SCN4A: variants seen among roughly 807,000 people sequenced by gnomAD.
SCN4A encodes sodium channel protein type 4 subunit alpha.
In SCN4A, 83 loss-of-function variants were observed where a neutral mutation model predicts 162.0. The ratio of observed to expected loss-of-function variants is 0.51; its 90% CI spans 0.43 to 0.61. The LOEUF is 0.61. Among genes scored for constraint, SCN4A ranks in the 20% least tolerant of loss-of-function variants. SCN4A has a pLI of 0.00. For missense variants in SCN4A, 2,196 were observed against 2,462.5 expected (o/e 0.89, Z 2.29); for synonymous variants, 944 against 985.1 (o/e 0.96, Z 0.78).
intron 14 of SCN4A, 167 bp from the exon 15 acceptor site, chr17:63,949,695 G>A: frequency 1.4e-6 from 1 of 736,484 alleles, no homozygotes. Context: ...GGAACCACGG[G>A]GACGTAGGTG....
chr17:63,954,018 C>T (rs1322530088), intron 13 of SCN4A, among the ~76,000 whole-genome samples: 2 of 152,192 alleles, frequency 1.3e-5, no homozygotes, highest in Non-Finnish European at 2.9e-5. Context: ...AGGGTCCCAG[C>T]TCCCATCAGC....
intron 14 of SCN4A, 44 bp from the exon 15 acceptor site, chr17:63,949,572 A>G: frequency 6.4e-7 from 1 of 1,552,882 alleles, no homozygotes; most frequent in Middle Eastern, 1.7e-4. Flanking sequence ...TCCCTGAGAG[A>G]CCCCCTCATC....
rs570029875 is a variant in SCN4A, at chr17:63,948,586, A to C, written c.3144+25T>G. 1.2e-5 allele frequency: 19 copies of C among 1,606,364 alleles called. No homozygotes were observed. The South Asian group carries it at 2.0e-4, about 17-fold the overall frequency. ...GCTGTGGGCCTGGCCCCTGCCCCTG[A>C]CCCGTGCTCCCAGGCAGTGCCTACC... On this transcript the variant is annotated intron_variant, in intron 16 of 23. Transcript: ENST00000435607.
At chr17:63,953,985 G>A (rs1754170266) in intron 13 of SCN4A, among the ~76,000 whole-genome samples, 1 of 152,218 alleles carries the variant, frequency 6.6e-6, no homozygotes, top group Non-Finnish European at 1.5e-5. Flanking sequence ...GCAGTGGGAG[G>A]AAGGAGAATC....
In SCN4A at chr17:63,971,783, C is replaced by T. The variant is rs1046930065; in HGVS notation, c.550G>A (p.Asp184Asn). The T allele has an allele frequency of 1.9e-5, 30 of 1,612,780 alleles. No homozygotes were observed. Among genetic ancestry groups the T allele is most frequent in the East Asian group, 4.5e-5 (2 of 44,850 alleles). Residue 184 changes from aspartate (D) to asparagine (N), a missense_variant, in exon 4 of 24, where the codon GAC becomes AAC. Physicochemically the swap from Asp to Asn is conservative, Grantham distance 23. Transcript: ENST00000435607. ...GGGTCCCGGAGGAATGTGAAGTCGTCGACACAGAAGCCTCGGGCCAGTATC... is the reference window on the plus strand; with the variant it reads ...GGGTCCCGGAGGAATGTGAAGTCGTTGACACAGAAGCCTCGGGCCAGTATC... Reference protein sequence around the residue: ...IKILARGFCVDDFTFLRDPWN... With the variant: ...IKILARGFCVNDFTFLRDPWN...
chr17:63,943,742 G>C lies in SCN4A; in HGVS notation c.4017+4C>G, dbSNP rs1908621635. ...CACAGGACAGGGGGCCCAGAGGTCT[G>C]TACCTGGGGCCGGGGAATTGGCTTC... On this transcript the variant is annotated splice_donor_region_variant and intron_variant, in intron 22 of 23. Coordinates refer to ENST00000435607, the MANE Select transcript of SCN4A (RefSeq NM_000334.4). 1.3e-6 allele frequency: 2 copies of C among 1,593,164 alleles called. No homozygotes were observed. The highest frequency in any genetic ancestry group is 8.6e-7 in the Non-Finnish European group (1 of 1,161,230).
chr17:63,961,609 C>G, intron 10 of SCN4A, 178 bp from the exon 11 acceptor site: 1 of 595,792 alleles, frequency 1.7e-6, no homozygotes, highest in Non-Finnish European at 3.0e-6. Context: ...CTGTCACCTC[C>G]CCTGTAACCT....
At position 63,945,716 on chromosome 17, in the gene SCN4A, G is replaced by C. The variant is rs1908696064; in HGVS notation, c.3442-78C>G. ...CTCCACATCTCTACGCCACCCAGGG[G>C]ACCAGGCAGAGCTGGGCATTGTCAA... is the stretch of plus-strand genomic sequence containing the variant. On this transcript the variant is annotated intron_variant, in intron 18 of 23. Transcript: ENST00000435607. The surrounding 1 kb of genome is among the most constrained non-coding windows in gnomAD (Gnocchi z 4.4). 6.7e-7 allele frequency: 1 copy of C among 1,494,744 alleles called. No homozygotes were observed. Among genetic ancestry groups the C allele is most frequent in the African/African-American group, 1.4e-5 (1 of 72,166 alleles). The allele number at this position is 1,494,744 out of a possible 1,614,324, so 92.6% of individuals were successfully genotyped here. A position where few individuals can be genotyped will look rare whatever the true frequency, so the allele number is the denominator to read the frequency against.
Position 63,972,007 on chromosome 17 carries a change from A to G in SCN4A, c.482+129T>C. 9.6e-7 allele frequency: 1 copy of G among 1,042,720 alleles called. No individual in the cohort carries two copies. The highest frequency in any genetic ancestry group is 1.4e-5 in the South Asian group (1 of 70,588). The allele number at this position is 1,042,720 out of a possible 1,614,324, so 64.6% of individuals were successfully genotyped here. On this transcript the variant is annotated intron_variant, in intron 3 of 23. Coordinates refer to ENST00000435607, the MANE Select transcript of SCN4A (RefSeq NM_000334.4). This position sits in a 1 kb window ranked among gnomAD's most constrained non-coding sequence, Gnocchi z 4.3. ...GATAGCATGGCCACCCCAGGGACTC[A>G]AGGTGTGGATGAGGGTCACAATGAC...
At chr17:63,971,572 G>C in intron 4 of SCN4A, 150 bp downstream of exon 4, 1 of 729,634 alleles carries the variant, frequency 1.4e-6, no homozygotes, top group Non-Finnish European at 2.3e-6. Context: ...CAGACCCTGA[G>C]AATGGCAGCT....
At chr17:63,947,245 T>C (rs1382320721) in intron 17 of SCN4A, 78 bp from the exon 18 acceptor site, 4 of 1,565,652 alleles carry the variant, frequency 2.6e-6, no homozygotes, top group Non-Finnish European at 3.5e-6. Flanking sequence ...GGGGTCTTCC[T>C]GGACTCACAG....
rs748517635 is a variant in SCN4A at position 63,941,930 on chromosome 17, C to A, written c.4352G>T (p.Arg1451Leu). Reference protein sequence around the residue: ...FVSPTLFRVIRLARIGRVLRL... With the variant: ...FVSPTLFRVILLARIGRVLRL... Reference sequence around the variant, plus strand: ...CAGGACACGCCCAATCCGCGCCAGGCGGATCACACGGAACAGCGTGGGTGA... The same window carrying A: ...CAGGACACGCCCAATCCGCGCCAGGAGGATCACACGGAACAGCGTGGGTGA... Residue 1451 changes from arginine (R) to leucine (L), a missense_variant, in exon 24 of 24, where the codon CGC becomes CTC. By Grantham distance (102) the Arg-to-Leu change is moderately radical. Coordinates refer to ENST00000435607, the MANE Select transcript of SCN4A (RefSeq NM_000334.4). The surrounding 1 kb of genome is among the most constrained non-coding windows in gnomAD (Gnocchi z 6.2). 1 of 1,608,578 alleles carries A rather than the reference C, an allele frequency of 6.2e-7. No individual in the cohort carries two copies. The highest frequency in any genetic ancestry group is 2.2e-5 in the East Asian group (1 of 44,748).
Position 63,961,358 on chromosome 17 carries a change from G to C in SCN4A, c.1680C>G (p.Cys560Trp). The stretch of plus-strand genomic sequence containing the variant: ...TCTTGAACTTCAGCCACGGGGCGCA[G>C]CAGTTCCATATGAGCACTTTGTGGG... The part of the protein sequence containing the change: ...KCAHKVLIWN[C>W]CAPWLKFKNI... Residue 560 changes from cysteine to tryptophan, a missense_variant, in exon 11 of 24, where the codon TGC becomes TGG. Physicochemically the swap from Cys to Trp is radical, Grantham distance 215. Coordinates refer to ENST00000435607, the MANE Select transcript of SCN4A (RefSeq NM_000334.4). 1 of 1,613,880 alleles carries C rather than the reference G, an allele frequency of 6.2e-7. No homozygotes were observed.
chr17:63,943,341 T>TTCCTCCTCCCCGGGGACC (rs1555601103), intron 22 of SCN4A, among the ~76,000 whole-genome samples: 1 of 151,636 alleles, frequency 6.6e-6, no homozygotes, highest in African/African-American at 2.4e-5. Flanking sequence ...TTCATGGTCC[T>TTCCTCCTCCCCGGGGACC]CCCTTCAAGA....
chr17:63,959,188 C>T (rs1248291893), intron 12 of SCN4A, 77 bp downstream of exon 12: 2 of 1,370,656 alleles, frequency 1.5e-6, no homozygotes, highest in African/African-American at 2.9e-5. Context: ...GGTTTCTCCT[C>T]CCATCCCTGT....
At chr17:63,947,195 G>A (rs1908753394) in intron 17 of SCN4A, 28 bp from the exon 18 acceptor site, 1 of 1,611,822 alleles carries the variant, frequency 6.2e-7, no homozygotes, top group East Asian at 2.2e-5. Context: ...GGGGATCAGT[G>A]CGTGCAAGGC....
chr17:63,950,697 C>T lies in SCN4A; in HGVS notation c.2853+727G>A, dbSNP rs574449380. Reference sequence around the variant, plus strand: ...TGTATGAGTCCTTTCCCTGCCAGAGCTGGACAGTGGGGAAGGGGGCTCAAG... The same window carrying T: ...TGTATGAGTCCTTTCCCTGCCAGAGTTGGACAGTGGGGAAGGGGGCTCAAG... On this transcript the variant is annotated intron_variant, in intron 14 of 23. Transcript: ENST00000435607. The surrounding 1 kb of genome is among the most constrained non-coding windows in gnomAD (Gnocchi z 4.6). Among the ~76,000 whole-genome samples the T allele has an allele frequency of 6.6e-6, 1 of 152,348 alleles. No individual in the cohort carries two copies. Among genetic ancestry groups the T allele is most frequent in the African/African-American group, 2.4e-5 (1 of 41,582 alleles).
intron 13 of SCN4A, among the ~76,000 whole-genome samples, chr17:63,954,764 A>T (rs778608005): frequency 6.6e-6 from 1 of 152,106 alleles, no homozygotes; most frequent in Non-Finnish European, 1.5e-5. Flanking sequence ...ACTCCCTCTG[A>T]GCAAACTGGG....
intron 13 of SCN4A, among the ~76,000 whole-genome samples, chr17:63,955,741 C>T (rs890762480): frequency 6.6e-6 from 1 of 152,180 alleles, no homozygotes; most frequent in Non-Finnish European, 1.5e-5. Flanking sequence ...TCTCTCTCCC[C>T]ACTCCCTAAG....
Sources: gnomAD v4.1 joint callset for allele counts (sites outside exome capture counted in the v4.1 genomes callset) on GRCh38, gnomAD v4.1.1 for gene constraint, Gnocchi (gnomAD v3.1) non-coding constraint, MANE v1.5 for transcripts, NCBI Gene and HGNC (gene_info 2026-07-23, HGNC 2026-07-21) for gene names.